DSCAM: variants seen among roughly 807,000 people sequenced by gnomAD.
The protein encoded by DSCAM is cell adhesion molecule DSCAM.
A neutral mutation model predicts 217.7 loss-of-function variants in DSCAM; 47 were observed. The observed-to-expected ratio is 0.22, with a 90% CI of 0.17 to 0.28. The LOEUF is 0.28. DSCAM is among the 10% of genes least tolerant of loss of function. The pLI, the probability that DSCAM is intolerant of heterozygous loss-of-function variation, is 1.00. For synonymous variants in DSCAM, 1,056 were observed against 1,015.3 expected, an observed-to-expected ratio of 1.04 and a Z score of -0.76; for missense variants, 2,080 against 2,618.3, an observed-to-expected ratio of 0.79 and a Z score of 4.49.
chr21:40,182,584 CAGGA>C (rs2090822617), intron 14 of DSCAM, among the ~76,000 whole-genome samples: 2 of 136,240 alleles, frequency 1.5e-5, no homozygotes, highest in African/African-American at 5.8e-5. Context: ...AAACTGTGGA[CAGGA>C]GGGGCCAGCA....
chr21:40,709,173 G>A (rs928779791), intron 1 of DSCAM, among the ~76,000 whole-genome samples: 5 of 152,086 alleles, frequency 3.3e-5, no homozygotes, highest in African/African-American at 1.2e-4. Flanking sequence ...CTATTACCTG[G>A]AGCATAGAGC....
intron 20 of DSCAM, among the ~76,000 whole-genome samples, chr21:40,115,767 C>T (rs1354196559): frequency 6.6e-6 from 1 of 152,092 alleles, no homozygotes; most frequent in African/African-American, 2.4e-5. Flanking sequence ...GACCTAATGA[C>T]AGAAATACCA....
chr21:40,551,323 T>C (rs1420978428), intron 3 of DSCAM, among the ~76,000 whole-genome samples: 28 of 152,322 alleles, frequency 1.8e-4, no homozygotes, highest in East Asian at 1.9e-4. Flanking sequence ...GAGTTTCTGA[T>C]TGACAATTGG....
chr21:40,534,713 A>G (rs1303087517), intron 3 of DSCAM, among the ~76,000 whole-genome samples: 1 of 152,218 alleles, frequency 6.6e-6, no homozygotes, highest in African/African-American at 2.4e-5. Flanking sequence ...ATAGAGTGAT[A>G]TATTTTTAAA....
chr21:40,635,819 A>T (rs1204362450), intron 3 of DSCAM, among the ~76,000 whole-genome samples: 1 of 152,194 alleles, frequency 6.6e-6, no homozygotes, highest in East Asian at 1.9e-4. Flanking sequence ...AAAATTTTGT[A>T]ATCGCTCAGA....
At chr21:40,285,512 A>C (rs1055626956) in intron 10 of DSCAM, among the ~76,000 whole-genome samples, 3 of 152,192 alleles carry the variant, frequency 2.0e-5, no homozygotes, top group African/African-American at 7.2e-5. Context: ...TCCCAGGGCC[A>C]CTGAGATGCT....
chr21:40,739,054 C>T (rs2091095503), intron 1 of DSCAM, among the ~76,000 whole-genome samples: 1 of 152,206 alleles, frequency 6.6e-6, no homozygotes, highest in Admixed American at 6.5e-5. Context: ...GGCTGTCCTT[C>T]CCATGGATCA....
chr21:40,579,804 ATGT>A (rs2076888907), intron 3 of DSCAM, among the ~76,000 whole-genome samples: 2 of 150,858 alleles, frequency 1.3e-5, no homozygotes, highest in Non-Finnish European at 2.9e-5. Context: ...GAATAAAAGA[ATGT>A]ACTACTATCA....
At chr21:40,806,779 C>T (rs2091791627) in intron 1 of DSCAM, among the ~76,000 whole-genome samples, 2 of 152,134 alleles carry the variant, frequency 1.3e-5, no homozygotes, top group Admixed American at 6.5e-5. Context: ...ACTATGCAGC[C>T]ATATAAAACG....
intron 6 of DSCAM, 50 bp downstream of exon 6, chr21:40,347,620 T>C (rs1211441047): frequency 6.2e-7 from 1 of 1,607,902 alleles, no homozygotes; most frequent in African/African-American, 1.3e-5. Flanking sequence ...TTCTGAGTGC[T>C]CTGGGTTTGG....
At position 40,312,276 on chromosome 21, in the gene DSCAM, C is replaced by T; in HGVS notation, c.1867G>A (p.Asp623Asn). Residue 623 changes from aspartate (D) to asparagine (N), a missense_variant, in exon 9 of 33, where the codon GAC becomes AAC. By Grantham distance (23) the Asp-to-Asn change is conservative. Transcript: ENST00000400454. ...TGCCAGGTGATCGTGATGGGTAAGT[C>T]CCCTGAGACCACAACACAGGGGATG... ...VFIPCVVVSGDLPITITWQKD... is the reference protein window; with the variant it reads ...VFIPCVVVSGNLPITITWQKD... The T allele has an allele frequency of 6.2e-7, 1 of 1,614,104 alleles. No homozygotes were observed. Among genetic ancestry groups the T allele is most frequent in the Non-Finnish European group, 8.5e-7 (1 of 1,180,022 alleles).
intron 20 of DSCAM, among the ~76,000 whole-genome samples, chr21:40,105,628 A>T (rs190596043): frequency 1.3e-5 from 2 of 152,186 alleles, no homozygotes; most frequent in African/African-American, 4.8e-5. Context: ...AGTCAATTAA[A>T]CCTCTTTCCT....
intron 3 of DSCAM, among the ~76,000 whole-genome samples, chr21:40,481,932 G>A (rs2075986730): frequency 6.6e-6 from 1 of 152,180 alleles, no homozygotes; most frequent in Non-Finnish European, 1.5e-5. Flanking sequence ...CACGTGCACT[G>A]CTTATTGATC....
chr21:40,325,688 C>T (rs1015474628), intron 8 of DSCAM, among the ~76,000 whole-genome samples: 3 of 152,240 alleles, frequency 2.0e-5, no homozygotes, highest in East Asian at 1.9e-4. Context: ...GACATTCAAG[C>T]ACAATAGTAA....
intron 3 of DSCAM, among the ~76,000 whole-genome samples, chr21:40,539,028 T>C (rs1360739540): frequency 6.6e-6 from 1 of 152,044 alleles, no homozygotes; most frequent in Non-Finnish European, 1.5e-5. Flanking sequence ...AGAACAAAAC[T>C]TGGGACTAGG....
At chr21:40,277,321 A>C (rs1473933566) in intron 10 of DSCAM, among the ~76,000 whole-genome samples, 1 of 152,144 alleles carries the variant, frequency 6.6e-6, no homozygotes, top group Non-Finnish European at 1.5e-5. Flanking sequence ...TCAAGCAGGA[A>C]ACTTCAGACT....
At chr21:40,328,548 G>A (rs1409175214) in intron 8 of DSCAM, among the ~76,000 whole-genome samples, 1 of 152,078 alleles carries the variant, frequency 6.6e-6, no homozygotes, top group South Asian at 2.1e-4. Context: ...AAAACATAGG[G>A]AAAAATCTCC....
Position 40,567,558 on chromosome 21 carries a change from CACAG to C in DSCAM, c.508+125248_508+125251del, listed in dbSNP as rs558477137. Among the ~76,000 whole-genome samples the C allele has an allele frequency of 2.8e-4, 43 of 152,346 alleles. No individual in the cohort carries two copies. The East Asian group carries it at 7.9e-3, about 28-fold the overall frequency. On this transcript the variant is annotated intron_variant, in intron 3 of 32. Transcript: ENST00000400454. Reference sequence around the variant, plus strand: ...ACCAAAGAAGCCCCACTTCAAGGAACACAGACAAACATCTGTCTCTATAATTATC... The same window carrying C: ...ACCAAAGAAGCCCCACTTCAAGGAACACAAACATCTGTCTCTATAATTATC...
Position 40,708,661 on chromosome 21 carries a change from G to A in DSCAM, c.154C>T (p.Pro52Ser). ...TLVPCPAAGI[P>S]PVTLRWYLAT... ...AGGTACCATCTGAGAGTCACAGGAG[G>A]GATGCCTGCTGCGGGGCAGGGCACC... Residue 52 changes from proline (P) to serine (S), a missense_variant, in exon 2 of 33, where the codon CCT becomes TCT. Physicochemically the swap from Pro to Ser is moderately conservative, Grantham distance 74 (BLOSUM62 -1). Transcript: ENST00000400454. 1 of 1,613,476 alleles carries A rather than the reference G, an allele frequency of 6.2e-7. No individual in the cohort carries two copies. The highest frequency in any genetic ancestry group is 1.1e-5 in the South Asian group (1 of 90,802).
Sources: gnomAD v4.1 joint callset for allele counts (sites outside exome capture counted in the v4.1 genomes callset) on GRCh38, gnomAD v4.1.1 for gene constraint, MANE v1.5 for transcripts, NCBI Gene and HGNC (gene_info 2026-07-23, HGNC 2026-07-21) for gene names.